The following RABGAP1L variants were observed in gnomAD, a reference collection of about 807,000 sequenced individuals.
RABGAP1L encodes RAB GTPase activating protein 1 like, also known as rab GTPase-activating protein 1-like.
A neutral mutation model predicts 137.7 loss-of-function variants in RABGAP1L; 63 were observed. The observed-to-expected ratio is 0.46, with a 90% CI of 0.37 to 0.56. RABGAP1L has a LOEUF of 0.56. RABGAP1L is among the 20% of genes least tolerant of loss of function. The probability of loss-of-function intolerance (pLI) is 0.00; values close to 1 mark genes in which losing one functional copy is unlikely to be tolerated. For synonymous variants in RABGAP1L, 431 were observed against 433.7 expected (o/e 0.99, Z 0.08); for missense variants, 1,095 against 1,244.0 (o/e 0.88, Z 1.80).
intron 13 of RABGAP1L, among the ~76,000 whole-genome samples, chr1:174,528,993 CTT>C (rs1220030903): frequency 7.5e-6 from 1 of 132,676 alleles, no homozygotes; most frequent in East Asian, 2.2e-4. Context: ...TTGTCTGGTT[CTT>C]TTTTTTTTTA....
chr1:174,437,650 A>T lies in RABGAP1L; in HGVS notation c.1710+43505A>T, dbSNP rs148760409. 8.7e-4 allele frequency among the ~76,000 whole-genome samples: 132 copies of T among 152,324 alleles called. 3 individuals carry two copies. The South Asian group carries it at 0.013, about 16-fold the overall frequency. On this transcript the variant is annotated intron_variant, in intron 13 of 25. Transcript: ENST00000681986. The stretch of plus-strand genomic sequence containing the variant: ...ACCAAGTTGGAAAACACTCTGCAGG[A>T]TATTATCCAGGAGAACTTCCCCAAT...
At chr1:174,836,189 A>G (rs1692729537) in intron 19 of RABGAP1L, among the ~76,000 whole-genome samples, 1 of 152,112 alleles carries the variant, frequency 6.6e-6, no homozygotes, top group Non-Finnish European at 1.5e-5. Context: ...TTTTTTCAAC[A>G]TGTATTTTCT....
intron 10 of RABGAP1L, among the ~76,000 whole-genome samples, chr1:174,298,209 G>A (rs1677308814): frequency 6.6e-6 from 1 of 152,204 alleles, no homozygotes; most frequent in African/African-American, 2.4e-5. Context: ...CTGAGGGAGA[G>A]AGGGAAGAGC....
chr1:174,887,616 G>A (rs527560316), intron 19 of RABGAP1L, among the ~76,000 whole-genome samples: 1 of 152,240 alleles, frequency 6.6e-6, no homozygotes, highest in East Asian at 1.9e-4. Flanking sequence ...AAAACTTGGG[G>A]GGGGGGTCAT....
At chr1:174,727,461 C>A (rs1682080659) in intron 17 of RABGAP1L, among the ~76,000 whole-genome samples, 1 of 152,166 alleles carries the variant, frequency 6.6e-6, no homozygotes, top group African/African-American at 2.4e-5. Flanking sequence ...ATTGCTGATA[C>A]TGCCCCCACA....
At chr1:174,428,201 CATT>C (rs1652184695) in intron 13 of RABGAP1L, among the ~76,000 whole-genome samples, 1 of 152,124 alleles carries the variant, frequency 6.6e-6, no homozygotes, top group African/African-American at 2.4e-5. Flanking sequence ...TCAACAGAAA[CATT>C]ATCCTTTCAA....
At chr1:174,208,146 G>T (rs1482076526) in intron 1 of RABGAP1L, among the ~76,000 whole-genome samples, 1 of 152,070 alleles carries the variant, frequency 6.6e-6, no homozygotes, top group Non-Finnish European at 1.5e-5. Flanking sequence ...TATTGTAAAT[G>T]ATACTGCTTT....
chr1:174,414,682 G>T (rs1650339472), intron 13 of RABGAP1L, among the ~76,000 whole-genome samples: 1 of 151,972 alleles, frequency 6.6e-6, no homozygotes, highest in South Asian at 2.1e-4. Flanking sequence ...ACAAATTTTG[G>T]TAGAAAACTT....
Position 174,988,688 on chromosome 1 carries a change from G to T in RABGAP1L, c.2853G>T (p.Glu951Asp). ...CKHCSDIFSK[E>D]GALKLAATGR... ...ACTGCAGTGACATTTTCAGCAAGGA[G>T]GGTGCTTTGAAACTAGCAGCCACAG... The change falls in exon 25 of 26, where the codon GAG (glutamate) becomes GAT (aspartate). Residue 951 changes from glutamate (E) to aspartate (D), a missense_variant. By Grantham distance (45) the Glu-to-Asp change is conservative. Around this residue, in one of 4 missense-constraint regions of RABGAP1L, gnomAD observed 312 missense variants for 435.6 expected, o/e 0.72. Transcript: ENST00000681986. The T allele has an allele frequency of 6.5e-7, 1 of 1,548,658 alleles. No homozygotes were observed. The highest frequency in any genetic ancestry group is 8.7e-7 in the Non-Finnish European group (1 of 1,146,120).
intron 19 of RABGAP1L, among the ~76,000 whole-genome samples, chr1:174,931,990 G>GTTTTTTT (rs532860564): frequency 1.1e-3 from 76 of 69,614 alleles, no homozygotes; most frequent in Non-Finnish European, 1.4e-3. Context: ...TGCTTTTTTG[G>GTTTTTTT]TTTTTTTTTT....
At chr1:174,200,285 A>G (rs1366054422) in intron 1 of RABGAP1L, among the ~76,000 whole-genome samples, 1 of 152,236 alleles carries the variant, frequency 6.6e-6, no homozygotes, top group Non-Finnish European at 1.5e-5. Context: ...CTAAAATGTG[A>G]AACACATATA....
chr1:174,316,398 A>T (rs903335729), intron 11 of RABGAP1L, among the ~76,000 whole-genome samples: 3 of 152,090 alleles, frequency 2.0e-5, no homozygotes, highest in Admixed American at 2.0e-4. Flanking sequence ...TGCTTTTCAG[A>T]TATTTGAAAG....
At chr1:174,572,673 G>A (rs1572365972) in intron 13 of RABGAP1L, among the ~76,000 whole-genome samples, 1 of 152,066 alleles carries the variant, frequency 6.6e-6, no homozygotes, top group Middle Eastern at 3.2e-3. Context: ...GAGCCACCCT[G>A]CCCAGCCAAC....
chr1:174,508,580 T>C (rs934988933), intron 13 of RABGAP1L, among the ~76,000 whole-genome samples: 1 of 152,182 alleles, frequency 6.6e-6, no homozygotes, highest in African/African-American at 2.4e-5. Context: ...TCATTTGCAA[T>C]TGTGTATTCT....
chr1:174,186,899 G>A (rs772729599), intron 1 of RABGAP1L, among the ~76,000 whole-genome samples: 1 of 152,082 alleles, frequency 6.6e-6, no homozygotes, highest in Non-Finnish European at 1.5e-5. Context: ...CCCCTATAAT[G>A]CTTCATTGTA....
At position 174,219,298 on chromosome 1, in the gene RABGAP1L, A is replaced by AT; in HGVS notation, c.138+10dup. ...ATGAAGAAAAACCTCAACTGAAGGT[A>AT]TTTTTTTCTTTTCTACATATGGTAT... On this transcript the variant is annotated splice_donor_region_variant and intron_variant, in intron 2 of 25. Transcript: ENST00000681986. 3.9e-6 allele frequency: 6 copies of AT among 1,544,138 alleles called. No individual in the cohort carries two copies. The highest frequency in any genetic ancestry group is 1.3e-5 in the South Asian group (1 of 79,910).
At chr1:174,895,776 C>CG in intron 19 of RABGAP1L, among the ~76,000 whole-genome samples, 1 of 152,272 alleles carries the variant, frequency 6.6e-6, no homozygotes, top group East Asian at 1.9e-4. Flanking sequence ...ATGAACTCAT[C>CG]CTTTTTTGTG....
At chr1:174,718,902 C>T (rs1681248320) in intron 17 of RABGAP1L, among the ~76,000 whole-genome samples, 1 of 149,768 alleles carries the variant, frequency 6.7e-6, no homozygotes, top group South Asian at 2.1e-4. Flanking sequence ...TGCAATGGTG[C>T]CATCTCGGCT....
At chr1:174,821,024 A>G (rs201436662) in intron 19 of RABGAP1L, among the ~76,000 whole-genome samples, 2 of 1,106 alleles carry the variant, frequency 1.8e-3, no homozygotes, top group African/African-American at 1.8e-3. Flanking sequence ...CTCAAAAAGA[A>G]AAAAAAAAAA....
Sources: allele counts gnomAD v4.1 joint callset (sites outside exome capture counted in the v4.1 genomes callset), GRCh38; gene constraint gnomAD v4.1.1; regional missense constraint gnomAD v4.1.1; transcripts MANE v1.5; gene names NCBI Gene and HGNC (gene_info 2026-07-23, HGNC 2026-07-21).